Variants in MARCHF4 observed in about 807,000 individuals in gnomAD.
MARCHF4 encodes E3 ubiquitin-protein ligase MARCHF4.
A neutral mutation model predicts 43.9 loss-of-function variants in MARCHF4; 14 were observed. The observed-to-expected ratio is 0.32, with a 90% confidence interval of 0.21 to 0.50. MARCHF4 has a LOEUF of 0.50. Ranked by LOEUF, MARCHF4 falls within the 20% of genes least tolerant of loss-of-function variation. The probability of loss-of-function intolerance (pLI) is 0.98; values close to 1 mark genes in which losing one functional copy is unlikely to be tolerated. For missense variants in MARCHF4, 468 were observed against 536.7 expected, an observed-to-expected ratio of 0.87 and a Z score of 1.27; for synonymous variants, 226 against 213.3, an observed-to-expected ratio of 1.06 and a Z score of -0.52.
intron 1 of MARCHF4, among the ~76,000 whole-genome samples, chr2:216,350,554 G>A (rs918040351): frequency 6.6e-6 from 1 of 151,798 alleles, no homozygotes; most frequent in Non-Finnish European, 1.5e-5. Flanking sequence ...CCACCACACT[G>A]TGCCACACCA....
rs1691872406 is a variant in MARCHF4 at position 216,320,659 on chromosome 2, CTTTCTTTCTTTCTTTCTTT to C, written c.517-36949_517-36931del. Among the ~76,000 whole-genome samples, 11 of 105,144 alleles carry C rather than the reference CTTTCTTTCTTTCTTTCTTT, an allele frequency of 1.0e-4. No homozygotes were observed. The South Asian group carries it at 3.6e-3, about 35-fold the overall frequency. 69.0% of individuals were successfully genotyped at this position (105,144 alleles called of 152,430 possible). ...TCTTTCTTTCTTTCTTTCTTTCTTT[CTTTCTTTCTTTCTTTCTTT>C]TTTTTTTTTTGAGATGGAGTCCCAC... On this transcript the variant is annotated intron_variant, in intron 1 of 3. Transcript: ENST00000273067.
At chr2:216,349,724 C>A (rs969576420) in intron 1 of MARCHF4, among the ~76,000 whole-genome samples, 2 of 152,072 alleles carry the variant, frequency 1.3e-5, no homozygotes, top group Non-Finnish European at 2.9e-5. Context: ...GAGATGCAGG[C>A]AGTGGGGATT....
At chr2:216,305,250 T>C (rs1007340986) in intron 1 of MARCHF4, among the ~76,000 whole-genome samples, 18 of 152,210 alleles carry the variant, frequency 1.2e-4, no homozygotes, top group African/African-American at 4.3e-4. Flanking sequence ...TGTGTCTGTA[T>C]TGGTGAGTCC....
intron 3 of MARCHF4, among the ~76,000 whole-genome samples, chr2:216,264,781 G>T (rs993682691): frequency 6.6e-5 from 10 of 152,210 alleles, no homozygotes; most frequent in Non-Finnish European, 1.3e-4. Context: ...TGTGAATGCT[G>T]CCTTCCAATT....
chr2:216,332,338 G>A lies in MARCHF4; in HGVS notation c.516+37407C>T, dbSNP rs559599945. 1.5e-4 allele frequency among the ~76,000 whole-genome samples: 22 copies of A among 150,748 alleles called. No homozygotes were observed. In the East Asian group the frequency reaches 3.1e-3, roughly 21 times the overall value. Reference sequence around the variant, plus strand: ...ACCCGGGAGGTGGAAGTTGCAGTGCGCCGAGATTGAGCCACTGCACTCCAG... The same window carrying A: ...ACCCGGGAGGTGGAAGTTGCAGTGCACCGAGATTGAGCCACTGCACTCCAG... On this transcript the variant is annotated intron_variant, in intron 1 of 3. Transcript: ENST00000273067.
chr2:216,296,242 A>G (rs908422705), intron 1 of MARCHF4, among the ~76,000 whole-genome samples: 18 of 151,676 alleles, frequency 1.2e-4, no homozygotes, highest in African/African-American at 4.1e-4. Context: ...GCTACTTGGG[A>G]GGCTGAGGCA....
intron 1 of MARCHF4, among the ~76,000 whole-genome samples, chr2:216,349,341 G>A (rs1877104): frequency 0.49 from 74,498 of 152,134 alleles, 18,747 homozygotes; most frequent in East Asian, 0.79. Context: ...AAGTATCTAA[G>A]TGCCTAATTG....
chr2:216,364,414 A>T (rs1168350172), intron 1 of MARCHF4, among the ~76,000 whole-genome samples: 1 of 151,986 alleles, frequency 6.6e-6, no homozygotes, highest in Non-Finnish European at 1.5e-5. Flanking sequence ...CTCCCCTTAG[A>T]CCCAGGCAAG....
intron 1 of MARCHF4, among the ~76,000 whole-genome samples, chr2:216,320,440 C>A (rs1427685879): frequency 6.6e-6 from 1 of 152,136 alleles, no homozygotes; most frequent in Non-Finnish European, 1.5e-5. Flanking sequence ...CAGATTGAAG[C>A]AACTGAGGCT....
At chr2:216,300,132 G>A (rs1401414905) in intron 1 of MARCHF4, among the ~76,000 whole-genome samples, 1 of 151,962 alleles carries the variant, frequency 6.6e-6, no homozygotes. Flanking sequence ...TTGTGACCTT[G>A]GGCAATTCCC....
chr2:216,286,490 C>G (rs1050471961), intron 1 of MARCHF4, among the ~76,000 whole-genome samples: 1 of 149,368 alleles, frequency 6.7e-6, no homozygotes, highest in African/African-American at 2.5e-5. Context: ...GGTTGCAGTG[C>G]CAGCCTGGGC....
chr2:216,364,515 C>T (rs1386691607), intron 1 of MARCHF4, among the ~76,000 whole-genome samples: 1 of 152,242 alleles, frequency 6.6e-6, no homozygotes, highest in Non-Finnish European at 1.5e-5. Flanking sequence ...CAAGGAACCT[C>T]ACCTCTCTTC....
At chr2:216,348,590 C>T (rs1692356310) in intron 1 of MARCHF4, among the ~76,000 whole-genome samples, 1 of 152,062 alleles carries the variant, frequency 6.6e-6, no homozygotes, top group East Asian at 1.9e-4. Context: ...AATAATCCAC[C>T]CCTGTTTAGT....
intron 1 of MARCHF4, among the ~76,000 whole-genome samples, chr2:216,357,250 A>G (rs1450895406): frequency 6.6e-6 from 1 of 152,158 alleles, no homozygotes; most frequent in South Asian, 2.1e-4. Context: ...CATTGTATTT[A>G]ATTGTTATAT....
chr2:216,275,083 T>A (rs1446806052), intron 3 of MARCHF4, among the ~76,000 whole-genome samples: 1 of 152,236 alleles, frequency 6.6e-6, no homozygotes, highest in Non-Finnish European at 1.5e-5. Context: ...CATCTTGGGC[T>A]ATTATGTTTT....
At chr2:216,351,910 G>A (rs1356967185) in intron 1 of MARCHF4, among the ~76,000 whole-genome samples, 2 of 152,218 alleles carry the variant, frequency 1.3e-5, no homozygotes, top group Non-Finnish European at 2.9e-5. Flanking sequence ...AAAGGCAAAT[G>A]TAGTTCCTTG....
chr2:216,283,777 G>A (rs756573648), intron 1 of MARCHF4, 48 bp from the exon 2 acceptor site: 4 of 1,523,752 alleles, frequency 2.6e-6, no homozygotes, highest in Non-Finnish European at 3.6e-6. Flanking sequence ...TACAGTGGCT[G>A]GTGGGTGAGT....
intron 1 of MARCHF4, among the ~76,000 whole-genome samples, chr2:216,341,013 C>T (rs374729929): frequency 6.6e-6 from 1 of 152,284 alleles, no homozygotes; most frequent in East Asian, 1.9e-4. Context: ...GTCAGTCAGT[C>T]CCTCTTCCTC....
chr2:216,358,966 C>A (rs1372744951), intron 1 of MARCHF4, among the ~76,000 whole-genome samples: 2 of 152,168 alleles, frequency 1.3e-5, no homozygotes, highest in African/African-American at 2.4e-5. Flanking sequence ...AAATGGGAAG[C>A]AAGCCCCAGA....
Sources: allele counts gnomAD v4.1 joint callset (sites outside exome capture counted in the v4.1 genomes callset), GRCh38; gene constraint gnomAD v4.1.1; transcripts MANE v1.5; gene names NCBI Gene and HGNC (gene_info 2026-07-23, HGNC 2026-07-21).